Variants in NECTIN3 observed in about 807,000 individuals in gnomAD.
The protein encoded by NECTIN3 is nectin cell adhesion molecule 3.
In NECTIN3, 8 loss-of-function variants were observed where a neutral mutation model predicts 49.4. The ratio of observed to expected loss-of-function variants is 0.16; its 90% confidence interval spans 0.10 to 0.29. The LOEUF is 0.29. NECTIN3 is among the 10% of genes least tolerant of loss of function. The probability of loss-of-function intolerance (pLI) is 1.00; values close to 1 mark genes in which losing one functional copy is unlikely to be tolerated. For synonymous variants in NECTIN3, 277 were observed against 241.1 expected (o/e 1.15, Z -1.38); for missense variants, 581 against 654.6 (o/e 0.89, Z 1.23).
At chr3:111,113,510 A>AT (rs1000875738) in intron 2 of NECTIN3, among the ~76,000 whole-genome samples, 9 of 152,022 alleles carry the variant, frequency 5.9e-5, no homozygotes, top group Non-Finnish European at 1.2e-4. Flanking sequence ...TTTATTATAT[A>AT]TTTTTTCATG....
chr3:111,099,965 G>C (rs1288261052), intron 1 of NECTIN3, among the ~76,000 whole-genome samples: 1 of 152,038 alleles, frequency 6.6e-6, no homozygotes, highest in Non-Finnish European at 1.5e-5. Flanking sequence ...TGTTTTATAG[G>C]TGATAAAACA....
chr3:111,191,276 T>C (rs1380782408), upstream of NECTIN3, among the ~76,000 whole-genome samples: 1 of 152,186 alleles, frequency 6.6e-6, no homozygotes, highest in African/African-American at 2.4e-5. Flanking sequence ...TAGTCATCTG[T>C]AAAATAAAGA....
At chr3:111,171,479 C>T (rs557868292) in intron 7 of NECTIN3, among the ~76,000 whole-genome samples, 1 of 152,304 alleles carries the variant, frequency 6.6e-6, no homozygotes, top group African/African-American at 2.4e-5. Flanking sequence ...TCTCATTCAT[C>T]AGTTGTTGAG....
chr3:111,144,780 TA>T, intron 5 of NECTIN3: 1 of 1,190,872 alleles, frequency 8.4e-7, no homozygotes, highest in Non-Finnish European at 1.1e-6. Context: ...TGGGGTCCTC[TA>T]ACCTGGCTCT....
In NECTIN3 at chr3:111,137,102, A is replaced by T. The variant is rs2034606049; in HGVS notation, c.*2887A>T. On this transcript the variant is annotated 3_prime_UTR_variant, in exon 6 of 6. Coordinates refer to ENST00000485303, the MANE Select transcript of NECTIN3 (RefSeq NM_015480.3). Reference sequence around the variant, plus strand: ...AGGAGCTGTAGGAGTACAGTGTATAAGTACAGAAATTGAGAGAAATGTAGT... The same window carrying T: ...AGGAGCTGTAGGAGTACAGTGTATATGTACAGAAATTGAGAGAAATGTAGT... 5.1e-6 allele frequency: 5 copies of T among 982,744 alleles called. No individual in the cohort carries two copies. Among genetic ancestry groups the T allele is most frequent in the African/African-American group, 3.5e-5 (2 of 57,252 alleles). 60.9% of individuals were successfully genotyped at this position (982,744 alleles called of 1,614,324 possible).
rs1041593055 is a variant in NECTIN3 at position 111,137,400 on chromosome 3, T to C, written c.*3185T>C. ...ATTGTGTTTGTGTTTGGGTTTTAGT[T>C]TGTACCCGCGCTAAGTTTTGGTTTT... On this transcript the variant is annotated 3_prime_UTR_variant, in exon 6 of 6. Coordinates refer to ENST00000485303, the MANE Select transcript of NECTIN3 (RefSeq NM_015480.3). The C allele has an allele frequency of 3.9e-5, 37 of 949,558 alleles. No homozygotes were observed. The highest frequency in any genetic ancestry group is 4.5e-5 in the Non-Finnish European group (36 of 798,508). 58.8% of individuals were successfully genotyped at this position (949,558 alleles called of 1,614,324 possible). A position where few individuals can be genotyped will look rare whatever the true frequency, so the allele number is the denominator to read the frequency against.
intron 7 of NECTIN3, among the ~76,000 whole-genome samples, chr3:111,180,447 CGTT>C (rs1028341343): frequency 1.3e-5 from 2 of 152,156 alleles, no homozygotes; most frequent in Admixed American, 6.5e-5. Context: ...GCCTAATTAA[CGTT>C]GTTGTAAATT....
In NECTIN3 at chr3:111,135,500, T is replaced by C; in HGVS notation, c.*1285T>C. The C allele has an allele frequency of 1.0e-6, 1 of 978,202 alleles. No homozygotes were observed. Among genetic ancestry groups the C allele is most frequent in the Non-Finnish European group, 1.2e-6 (1 of 823,470 alleles). The allele number at this position is 978,202 out of a possible 1,614,324, so 60.6% of individuals were successfully genotyped here. On this transcript the variant is annotated 3_prime_UTR_variant, in exon 6 of 6. Transcript: ENST00000485303. ...GCTTTTTGTTTGTGAGGTAATTAAATTGCTTCTACAGTGGAGGCTTACAAA... is the reference window on the plus strand; with the variant it reads ...GCTTTTTGTTTGTGAGGTAATTAAACTGCTTCTACAGTGGAGGCTTACAAA...
chr3:111,181,666 T>C (rs972619997), intron 7 of NECTIN3, among the ~76,000 whole-genome samples: 1 of 152,098 alleles, frequency 6.6e-6, no homozygotes, highest in Admixed American at 6.5e-5. Context: ...TCAAAGTTAA[T>C]TGGCATCAGA....
In NECTIN3 at chr3:111,135,977, A is replaced by T; in HGVS notation, c.*1762A>T. 1 of 947,906 alleles carries T rather than the reference A, an allele frequency of 1.1e-6. No individual in the cohort carries two copies. The highest frequency in any genetic ancestry group is 1.3e-6 in the Non-Finnish European group (1 of 796,170). The allele number at this position is 947,906 out of a possible 1,614,324, so 58.7% of individuals were successfully genotyped here. A position where few individuals can be genotyped will look rare whatever the true frequency, so the allele number is the denominator to read the frequency against. Reference sequence around the variant, plus strand: ...AAATGTCTGGGTTTTAATATGGTTAATCACTTATATACAAATATTACAACT... The same window carrying T: ...AAATGTCTGGGTTTTAATATGGTTATTCACTTATATACAAATATTACAACT... On this transcript the variant is annotated 3_prime_UTR_variant, in exon 6 of 6. Coordinates refer to ENST00000485303, the MANE Select transcript of NECTIN3 (RefSeq NM_015480.3).
At chr3:111,126,827 T>C (rs531861446) in intron 5 of NECTIN3, among the ~76,000 whole-genome samples, 3 of 152,310 alleles carry the variant, frequency 2.0e-5, no homozygotes, top group South Asian at 4.1e-4. Flanking sequence ...ATAGGAATGC[T>C]ACTGAAAATG....
In NECTIN3 at chr3:111,135,369, A is replaced by C; in HGVS notation, c.*1154A>C. 2.6e-5 allele frequency: 24 copies of C among 936,510 alleles called. No homozygotes were observed. Among genetic ancestry groups the C allele is most frequent in the Non-Finnish European group, 3.1e-5 (24 of 785,788 alleles). 58.0% of individuals were successfully genotyped at this position (936,510 alleles called of 1,614,324 possible). On this transcript the variant is annotated 3_prime_UTR_variant, in exon 6 of 6. Transcript: ENST00000485303. ...TTAAGATTTCTGTTTTTACGATTAA[A>C]ACTGGAAACATGAGGTTTTTTGTTT...
chr3:111,176,280 G>T (rs1290500028), intron 7 of NECTIN3, among the ~76,000 whole-genome samples: 1 of 152,138 alleles, frequency 6.6e-6, no homozygotes, highest in Non-Finnish European at 1.5e-5. Flanking sequence ...TATTAATCAT[G>T]CAACCTACCT....
chr3:111,162,697 T>C (rs2035238378), intron 7 of NECTIN3, among the ~76,000 whole-genome samples: 1 of 152,192 alleles, frequency 6.6e-6, no homozygotes, highest in Non-Finnish European at 1.5e-5. Flanking sequence ...TGTTAAACTT[T>C]CCCCTACCAT....
chr3:111,090,799 C>G (rs2032221167), intron 1 of NECTIN3, among the ~76,000 whole-genome samples: 1 of 116,728 alleles, frequency 8.6e-6, no homozygotes, highest in African/African-American at 3.3e-5. Flanking sequence ...CCTTAAACTT[C>G]TTTATTTTAC....
Position 111,072,025 on chromosome 3 carries a change from G to C in NECTIN3, c.8G>C (p.Arg3Pro). The C allele has an allele frequency of 2.0e-6, 3 of 1,525,142 alleles. No individual in the cohort carries two copies. The highest frequency in any genetic ancestry group is 8.8e-7 in the Non-Finnish European group (1 of 1,136,120). 94.5% of individuals were successfully genotyped at this position (1,525,142 alleles called of 1,614,324 possible). A position where few individuals can be genotyped will look rare whatever the true frequency, so the allele number is the denominator to read the frequency against. The change falls in exon 1 of 6, where the codon CGG becomes CCG. Residue 3 changes from arginine (R) to proline (P), a missense_variant. Arg to Pro is a moderately radical substitution (Grantham distance 103). Around this residue, in one of 3 missense-constraint regions of NECTIN3, gnomAD observed 109 missense variants for 69.1 expected, o/e 1.58. Transcript: ENST00000485303. Reference sequence around the variant, plus strand: ...CCGGGGGGAGGGTGGGGGATGGCGCGGACCCTGCGGCCGTCCCCGCTGTGT... The same window carrying C: ...CCGGGGGGAGGGTGGGGGATGGCGCCGACCCTGCGGCCGTCCCCGCTGTGT... MARTLRPSPLCPG... is the reference protein window; with the variant it reads MAPTLRPSPLCPG...
At chr3:111,170,033 A>G (rs907087647) in intron 7 of NECTIN3, among the ~76,000 whole-genome samples, 4 of 152,174 alleles carry the variant, frequency 2.6e-5, no homozygotes, top group African/African-American at 7.2e-5. Context: ...CTTTGTCTCT[A>G]TCCAAAGTGT....
At position 111,122,207 on chromosome 3, in the gene NECTIN3, A is replaced by G. The variant is rs79006549; in HGVS notation, c.886A>G (p.Asn296Asp). ...TAATCTCAAATGTAATGCTGATGCA[A>G]ATCCACCACCCTTCAAATCTGTGTG... ...GVNLKCNADA[N>D]PPPFKSVWSR... Residue 296 changes from asparagine (N) to aspartate (D), a missense_variant, in exon 4 of 6, where the codon AAT becomes GAT. Asn to Asp is a conservative substitution (Grantham distance 23, BLOSUM62 1). Transcript: ENST00000485303. The G allele has an allele frequency of 1.2e-6, 2 of 1,612,474 alleles. No homozygotes were observed. The highest frequency in any genetic ancestry group is 1.7e-6 in the Non-Finnish European group (2 of 1,178,746).
At chr3:111,100,787 T>TG (rs2032863711) in intron 1 of NECTIN3, among the ~76,000 whole-genome samples, 1 of 148,346 alleles carries the variant, frequency 6.7e-6, no homozygotes, top group Non-Finnish European at 1.5e-5. Context: ...TTTCACAGGT[T>TG]GAAGTGGGAA....
Sources: gnomAD v4.1 joint callset for allele counts (sites outside exome capture counted in the v4.1 genomes callset) on GRCh38, gnomAD v4.1.1 for gene constraint, gnomAD v4.1.1 regional missense constraint, MANE v1.5 for transcripts, NCBI Gene and HGNC (gene_info 2026-07-23, HGNC 2026-07-21) for gene names.